Variants in MDK observed in about 807,000 individuals in gnomAD.
MDK encodes amphiregulin-associated protein.
A neutral mutation model predicts 18.9 loss-of-function variants in MDK; 17 were observed. That is an observed-to-expected ratio of 0.90 (90% CI 0.62 to 1.35). MDK has a LOEUF of 1.35. Ranked by LOEUF, MDK falls within the 40% of genes most tolerant of loss-of-function variation. MDK has a pLI of 0.00. For missense variants in MDK, 180 were observed against 186.3 expected (o/e 0.97, Z 0.20); for synonymous variants, 86 against 74.3 (o/e 1.16, Z -0.81).
At position 46,382,042 on chromosome 11, in the gene MDK, G is replaced by A; in HGVS notation, c.-1-15G>A. On this transcript the variant is annotated splice_polypyrimidine_tract_variant and intron_variant, in intron 1 of 4. Coordinates refer to ENST00000395566, the MANE Select transcript of MDK (RefSeq NM_002391.6). ...GGGGACGGGCCAGGGATTCAGACTC[G>A]GGCTCTCCCCTCAGGATGCAGCACC... 1.9e-6 allele frequency: 3 copies of A among 1,597,982 alleles called. No individual in the cohort carries two copies. The highest frequency in any genetic ancestry group is 2.6e-6 in the Non-Finnish European group (3 of 1,173,252).
At chr11:46,382,790 G>GGGGGGGGGGGC (rs1945254785) in intron 4 of MDK, 42 bp downstream of exon 4, 151 of 986,856 alleles carry the variant, frequency 1.5e-4, no homozygotes, top group East Asian at 4.6e-4. Context: ...GCGGGGGGCT[G>GGGGGGGGGGGC]CCCCCCCCCC....
chr11:46,381,668 C>G (rs1268338702), upstream of MDK: 1 of 151,802 alleles, frequency 6.6e-6, no homozygotes, highest in Non-Finnish European at 1.4e-5. Flanking sequence ...GTGACCGGCT[C>G]AGACCGGTTC....
intron 2 of MDK, 38 bp from the exon 3 acceptor site, chr11:46,382,256 G>A (rs1945223126): frequency 1.2e-6 from 2 of 1,603,862 alleles, no homozygotes; most frequent in African/African-American, 1.3e-5. Flanking sequence ...GAGTCTCCCC[G>A]TGCCCCAGTC....
rs945612389 is a variant in MDK at position 46,383,238 on chromosome 11, G to A, written c.407-231G>A. 8.0e-6 allele frequency: 4 copies of A among 499,948 alleles called. No individual in the cohort carries two copies. The Admixed American group carries it at 1.5e-4, about 19-fold the overall frequency. The allele number at this position is 499,948 out of a possible 1,614,324, so 31.0% of individuals were successfully genotyped here. ...CCAGGGCTGCTGTGACCAGGACTAG[G>A]ACTGGAAACTTGAAGGTTTTCTGAT... On this transcript the variant is annotated intron_variant, in intron 4 of 4. Coordinates refer to ENST00000395566, the MANE Select transcript of MDK (RefSeq NM_002391.6).
Position 46,383,463 on chromosome 11 carries a change from T to C in MDK, c.407-6T>C. 1 of 1,587,824 alleles carries C rather than the reference T, an allele frequency of 6.3e-7. No homozygotes were observed. The highest frequency in any genetic ancestry group is 8.6e-7 in the Non-Finnish European group (1 of 1,166,524). ...ATGGTATTAATATTTCTTTCTTGTTTTACAGCCAAGAAAGGGAAGGGAAAG... is the reference window on the plus strand; with the variant it reads ...ATGGTATTAATATTTCTTTCTTGTTCTACAGCCAAGAAAGGGAAGGGAAAG... On this transcript the variant is annotated splice_region_variant and splice_polypyrimidine_tract_variant and intron_variant, in intron 4 of 4. Coordinates refer to ENST00000395566, the MANE Select transcript of MDK (RefSeq NM_002391.6).
chr11:46,382,805 C>CCCCCCCCGGG, intron 4 of MDK, 57 bp downstream of exon 4: 1 of 1,478,608 alleles, frequency 6.8e-7, no homozygotes, highest in Non-Finnish European at 9.2e-7. Flanking sequence ...CCCCCCCCCC[C>CCCCCCCCGGG]GCCTGTGAGG....
rs770929872 is a variant in MDK at position 46,382,124 on chromosome 11, A to G, written c.67A>G (p.Lys23Glu). The change falls in exon 2 of 5, where the codon AAA (lysine) becomes GAA (glutamate). Residue 23 changes from lysine (K) to glutamate (E), a missense_variant. Lys to Glu is a moderately conservative substitution (Grantham distance 56, BLOSUM62 1). Transcript: ENST00000395566. ...ALLALTSAVA[K>E]KKDKVKKGGP... ...GCTGGCGCTCACCTCCGCGGTCGCCAAAAAGAAAGGTGATGGGGGATGATC... is the reference window on the plus strand; with the variant it reads ...GCTGGCGCTCACCTCCGCGGTCGCCGAAAAGAAAGGTGATGGGGGATGATC... 2 of 1,610,888 alleles carry G rather than the reference A, an allele frequency of 1.2e-6. No homozygotes were observed. Among genetic ancestry groups the G allele is most frequent in the Admixed American group, 1.7e-5 (1 of 59,746 alleles).
chr11:46,383,393 G>A, intron 4 of MDK, 76 bp from the exon 5 acceptor site: 3 of 1,185,566 alleles, frequency 2.5e-6, no homozygotes, highest in South Asian at 1.5e-5. Context: ...ATGCCCGGGT[G>A]TTTGTGGAGC....
In MDK at chr11:46,383,618, A is replaced by C; in HGVS notation, c.*124A>C. 1 of 888,340 alleles carries C rather than the reference A, an allele frequency of 1.1e-6. No individual in the cohort carries two copies. Among genetic ancestry groups the C allele is most frequent in the Non-Finnish European group, 1.9e-6 (1 of 534,826 alleles). 55.0% of individuals were successfully genotyped at this position (888,340 alleles called of 1,614,324 possible). ...GTCTGCTCGTTAGCTTTAATCAATC[A>C]TGCCCTGCCTTGTCCCTCTCACTCC... On this transcript the variant is annotated 3_prime_UTR_variant, in exon 5 of 5. Coordinates refer to ENST00000395566, the MANE Select transcript of MDK (RefSeq NM_002391.6).
chr11:46,383,367 A>G lies in MDK; in HGVS notation c.407-102A>G, dbSNP rs549459955. On this transcript the variant is annotated intron_variant, in intron 4 of 4. Transcript: ENST00000395566. Reference sequence around the variant, plus strand: ...TGATTGGAAACCACTAGGGGGCAGAATCTTCTCCTTCCCTGATGCCCGGGT... The same window carrying G: ...TGATTGGAAACCACTAGGGGGCAGAGTCTTCTCCTTCCCTGATGCCCGGGT... 1.9e-5 allele frequency: 17 copies of G among 902,428 alleles called. No homozygotes were observed. In the African/African-American group the frequency reaches 2.2e-4, roughly 12 times the overall value. The allele number at this position is 902,428 out of a possible 1,614,324, so 55.9% of individuals were successfully genotyped here.
At chr11:46,382,485 G>T in intron 3 of MDK, 24 bp downstream of exon 3, 1 of 1,525,998 alleles carries the variant, frequency 6.6e-7, no homozygotes. Flanking sequence ...CAGTCAGAGG[G>T]CAGGAGACGG....
intron 4 of MDK, 42 bp downstream of exon 4, chr11:46,382,790 G>GGGGGGGGGGGGGGGGGGGGGCCCCC: frequency 1.0e-6 from 1 of 985,982 alleles, no homozygotes; most frequent in Non-Finnish European, 1.3e-6. Context: ...GCGGGGGGCT[G>GGGGGGGGGGGGGGGGGGGGGCCCCC]CCCCCCCCCC....
At chr11:46,382,221 A>G in intron 2 of MDK, 73 bp from the exon 3 acceptor site, 1 of 1,604,506 alleles carries the variant, frequency 6.2e-7, no homozygotes, top group Non-Finnish European at 8.5e-7. Context: ...CCTAGCCTGG[A>G]ACCCCAGGAA....
At position 46,382,377 on chromosome 11, in the gene MDK, G is replaced by A. The variant is rs1334657761; in HGVS notation, c.160G>A (p.Val54Met). 3.2e-6 allele frequency: 5 copies of A among 1,573,802 alleles called. No individual in the cohort carries two copies. The highest frequency in any genetic ancestry group is 3.8e-5 in the Admixed American group (2 of 52,560). Residue 54 changes from valine (V) to methionine (M), a missense_variant, in exon 3 of 5, where the codon GTG (valine) becomes ATG (methionine). Physicochemically the swap from Val to Met is conservative, Grantham distance 21. Coordinates refer to ENST00000395566, the MANE Select transcript of MDK (RefSeq NM_002391.6). ...PCTPSSKDCG[V>M]GFREGTCGAQ... ...CACCCCCAGCAGCAAGGATTGCGGCGTGGGTTTCCGCGAGGGCACCTGCGG... is the reference window on the plus strand; with the variant it reads ...CACCCCCAGCAGCAAGGATTGCGGCATGGGTTTCCGCGAGGGCACCTGCGG...
chr11:46,382,613 T>C lies in MDK; in HGVS notation c.271T>C (p.Trp91Arg). Reference protein sequence around the residue: ...GADCKYKFENWGACDGGTGTK... With the variant: ...GADCKYKFENRGACDGGTGTK... Reference sequence around the variant, plus strand: ...CGACTGCAAGTACAAGTTTGAGAACTGGGGTGCGTGTGATGGGGGCACAGG... The same window carrying C: ...CGACTGCAAGTACAAGTTTGAGAACCGGGGTGCGTGTGATGGGGGCACAGG... Residue 91 changes from tryptophan (W) to arginine (R), a missense_variant, in exon 4 of 5, where the codon TGG (tryptophan) becomes CGG (arginine). Transcript: ENST00000395566. 6.2e-7 allele frequency: 1 copy of C among 1,612,264 alleles called. No individual in the cohort carries two copies.
Position 46,382,651 on chromosome 11 carries a change from C to G in MDK, c.309C>G (p.Arg103=). Residue 103 remains arginine (R), a synonymous_variant, in exon 4 of 5, where the codon CGC becomes CGG. Coordinates refer to ENST00000395566, the MANE Select transcript of MDK (RefSeq NM_002391.6). ...ATGGGGGCACAGGCACCAAAGTCCGCCAAGGCACCCTGAAGAAGGCGCGCT... is the reference window on the plus strand; with the variant it reads ...ATGGGGGCACAGGCACCAAAGTCCGGCAAGGCACCCTGAAGAAGGCGCGCT... The part of the protein sequence containing the change: ...ACDGGTGTKV[R]QGTLKKARYN... 1 of 1,613,092 alleles carries G rather than the reference C, an allele frequency of 6.2e-7. No individual in the cohort carries two copies. Among genetic ancestry groups the G allele is most frequent in the South Asian group, 1.1e-5 (1 of 91,038 alleles).
intron 2 of MDK, 77 bp from the exon 3 acceptor site, chr11:46,382,217 C>T: frequency 6.2e-7 from 1 of 1,604,406 alleles, no homozygotes; most frequent in South Asian, 1.1e-5. Flanking sequence ...GGTTCCTAGC[C>T]TGGAACCCCA....
At position 46,383,771 on chromosome 11, in the gene MDK, C is replaced by A; in HGVS notation, c.*277C>A. The A allele has an allele frequency of 1.8e-6, 1 of 554,048 alleles. No homozygotes were observed. The highest frequency in any genetic ancestry group is 3.3e-6 in the Non-Finnish European group (1 of 299,536). 34.3% of individuals were successfully genotyped at this position (554,048 alleles called of 1,614,324 possible). On this transcript the variant is annotated 3_prime_UTR_variant, in exon 5 of 5. Transcript: ENST00000395566. Reference sequence around the variant, plus strand: ...TCCCCACAATTCCATTACTAAGAAACACATCAAATAAACTGACTTTTTCCC... The same window carrying A: ...TCCCCACAATTCCATTACTAAGAAAAACATCAAATAAACTGACTTTTTCCC...
Position 46,383,589 on chromosome 11 carries a change from T to TTCTG in MDK, c.*100_*103dup. 1.8e-6 allele frequency: 2 copies of TTCTG among 1,093,546 alleles called. No individual in the cohort carries two copies. The highest frequency in any genetic ancestry group is 1.4e-6 in the Non-Finnish European group (1 of 711,494). The allele number at this position is 1,093,546 out of a possible 1,614,324, so 67.7% of individuals were successfully genotyped here. ...GCCCGAGATGTGACCCACCAGTGCC[T>TTCTG]TCTGTCTGCTCGTTAGCTTTAATCA... is the stretch of plus-strand genomic sequence containing the variant. On this transcript the variant is annotated 3_prime_UTR_variant, in exon 5 of 5. Transcript: ENST00000395566.
Sources: allele counts gnomAD v4.1 joint callset, GRCh38; gene constraint gnomAD v4.1.1; transcripts MANE v1.5; gene names NCBI Gene and HGNC (gene_info 2026-07-23, HGNC 2026-07-21).